SRP54: variants seen among roughly 807,000 people sequenced by gnomAD.
SRP54 encodes the protein signal recognition particle subunit SRP54.
A neutral mutation model predicts 64.8 loss-of-function variants in SRP54; 10 were observed. The observed-to-expected ratio is 0.15, with a 90% CI of 0.10 to 0.26. The LOEUF (loss-of-function observed/expected upper bound fraction) is 0.26, where lower values mean the gene tolerates loss of function less well. Among genes scored for constraint, SRP54 ranks in the 10% least tolerant of loss-of-function variants. SRP54 has a pLI of 1.00. For synonymous variants in SRP54, 193 were observed against 185.6 expected, an observed-to-expected ratio of 1.04 and a Z score of -0.32; for missense variants, 325 against 613.7, an observed-to-expected ratio of 0.53 and a Z score of 4.97.
At chr14:35,025,397 T>C (rs570708249) in intron 14 of SRP54, among the ~76,000 whole-genome samples, 1 of 152,310 alleles carries the variant, frequency 6.6e-6, no homozygotes, top group South Asian at 2.1e-4. Flanking sequence ...GACAAAAAAA[T>C]TAGACAAACA....
At chr14:35,026,835 C>T (rs964317933) in intron 14 of SRP54, among the ~76,000 whole-genome samples, 21 of 151,880 alleles carry the variant, frequency 1.4e-4, no homozygotes, top group African/African-American at 4.1e-4. Flanking sequence ...CCCAGCTACT[C>T]GGGAGGCTGA....
At chr14:35,004,248 TAAAATA>T (rs1490168631) in intron 4 of SRP54, among the ~76,000 whole-genome samples, 2 of 152,134 alleles carry the variant, frequency 1.3e-5, no homozygotes, top group African/African-American at 4.8e-5. Flanking sequence ...AAACTCCATC[TAAAATA>T]AAAATAAAAA....
chr14:34,991,272 G>A (rs2043973368), intron 1 of SRP54, among the ~76,000 whole-genome samples: 1 of 151,720 alleles, frequency 6.6e-6, no homozygotes, highest in Non-Finnish European at 1.5e-5. Flanking sequence ...TGGGATTACA[G>A]GCATCTGCCA....
At chr14:35,029,022 TTC>T (rs1263062903) in intron 15 of SRP54, 37 bp from the exon 16 acceptor site, 21 of 1,495,418 alleles carry the variant, frequency 1.4e-5, no homozygotes, top group South Asian at 3.4e-5. Context: ...TGCTTAATAA[TTC>T]TCTGTTTTTA....
rs1397976281 is a variant in SRP54 at position 35,029,309 on chromosome 14, TTTCC to T, written c.*165_*168del. 9.8e-6 allele frequency: 5 copies of T among 510,552 alleles called. No individual in the cohort carries two copies. The highest frequency in any genetic ancestry group is 1.7e-5 in the Non-Finnish European group (5 of 291,350). 31.6% of individuals were successfully genotyped at this position (510,552 alleles called of 1,614,324 possible). A position where few individuals can be genotyped will look rare whatever the true frequency, so the allele number is the denominator to read the frequency against. On this transcript the variant is annotated 3_prime_UTR_variant, in exon 16 of 16. Transcript: ENST00000216774. The stretch of plus-strand genomic sequence containing the variant: ...CGCCCGCTTTTCCCCTCCTTTTCTT[TTTCC>T]TTCCTTCTTTCCTCCCTTTAATATA...
In SRP54 at chr14:35,000,785, G is replaced by A. The variant is rs8017191; in HGVS notation, c.171-151G>A. 0.21 allele frequency: 83,099 copies of A among 397,910 alleles called. 9,496 individuals carry two copies. Among genetic ancestry groups the A allele is most frequent in the East Asian group, 0.39 (10,368 of 26,590 alleles). The allele number at this position is 397,910 out of a possible 1,614,324, so 24.6% of individuals were successfully genotyped here. A position where few individuals can be genotyped will look rare whatever the true frequency, so the allele number is the denominator to read the frequency against. On this transcript the variant is annotated intron_variant, in intron 3 of 15. Transcript: ENST00000216774. Reference sequence around the variant, plus strand: ...AAAACTCTTTATGATATAGACTTACGAGTCTGTAGTAATTACATGCATGTT... The same window carrying A: ...AAAACTCTTTATGATATAGACTTACAAGTCTGTAGTAATTACATGCATGTT...
chr14:34,991,528 G>A (rs2043979724), intron 1 of SRP54, among the ~76,000 whole-genome samples: 1 of 151,812 alleles, frequency 6.6e-6, no homozygotes, highest in African/African-American at 2.4e-5. Flanking sequence ...AAAGGGAAGA[G>A]GGTTGCAGTT....
intron 1 of SRP54, among the ~76,000 whole-genome samples, chr14:34,988,582 T>TATATATATATATATATATATATATAAA (rs1555352771): frequency 2.9e-5 from 1 of 35,076 alleles, no homozygotes; most frequent in Non-Finnish European, 7.2e-5. Context: ...AAAAAAAATA[T>TATATATATATATATATATATATATAAA]ATATATATAT....
intron 4 of SRP54, among the ~76,000 whole-genome samples, chr14:35,004,760 A>C (rs2044230866): frequency 6.6e-6 from 1 of 152,224 alleles, no homozygotes; most frequent in Non-Finnish European, 1.5e-5. Context: ...GAGCAGCATC[A>C]GTGTACTGAA....
intron 11 of SRP54, among the ~76,000 whole-genome samples, chr14:35,015,105 C>G (rs1045998247): frequency 1.3e-5 from 2 of 152,038 alleles, no homozygotes; most frequent in Non-Finnish European, 2.9e-5. Flanking sequence ...AAGACAGAGT[C>G]TCACTCTGTT....
chr14:35,007,239 G>A (rs769334984), intron 4 of SRP54, 44 bp from the exon 5 acceptor site: 1 of 1,354,444 alleles, frequency 7.4e-7, no homozygotes, highest in East Asian at 2.4e-5. Context: ...GAATTTATAT[G>A]TATGTTAACC....
At chr14:35,001,784 G>A (rs1388842429) in intron 4 of SRP54, among the ~76,000 whole-genome samples, 1 of 152,114 alleles carries the variant, frequency 6.6e-6, no homozygotes, top group Non-Finnish European at 1.5e-5. Context: ...TTTTCAAATA[G>A]TAAATATAGC....
In SRP54 at chr14:35,028,149, C is replaced by G. The variant is rs752475596; in HGVS notation, c.1389C>G (p.Ala463=). Residue 463 remains alanine (A), a synonymous_variant, in exon 15 of 16, where the codon GCC becomes GCG. Transcript: ENST00000216774. ...SQMAKLNQQM[A]KMMDPRVLHH... is the part of the protein sequence containing the mutation. ...TGGCAAAATTGAACCAACAAATGGC[C>G]AAAATGATGGATCCTAGGGTTCTTC... is the stretch of plus-strand genomic sequence containing the variant. 1 of 1,613,020 alleles carries G rather than the reference C, an allele frequency of 6.2e-7. No homozygotes were observed.
rs59058538 is a variant in SRP54 at position 34,994,932 on chromosome 14, CTTTTTT to C, written c.-33-1723_-33-1718del. On this transcript the variant is annotated intron_variant, in intron 1 of 15. Transcript: ENST00000216774. ...AGGCACATGCCGCCATGCCTGGCTACTTTTTTTTTTTTTTTTTTTTTTTTTTTAAGA... is the reference window on the plus strand; with the variant it reads ...AGGCACATGCCGCCATGCCTGGCTACTTTTTTTTTTTTTTTTTTTTTAAGA... 1.8e-4 allele frequency among the ~76,000 whole-genome samples: 15 copies of C among 84,478 alleles called. 1 individual carries two copies. The highest frequency in any genetic ancestry group is 3.8e-4 in the African/African-American group (8 of 20,864). The allele number at this position is 84,478 out of a possible 152,430, so 55.4% of individuals were successfully genotyped here. A position where few individuals can be genotyped will look rare whatever the true frequency, so the allele number is the denominator to read the frequency against.
chr14:35,010,370 C>T (rs562072975), intron 7 of SRP54, among the ~76,000 whole-genome samples: 68 of 152,076 alleles, frequency 4.5e-4, no homozygotes, highest in Middle Eastern at 6.8e-3. Flanking sequence ...TGCTTGAACC[C>T]GGGAGGCAGA....
chr14:35,001,107 ATG>A, intron 4 of SRP54, 87 bp downstream of exon 4: 1 of 461,814 alleles, frequency 2.2e-6, no homozygotes, highest in Non-Finnish European at 3.6e-6. Flanking sequence ...ATTTTTAAAT[ATG>A]TTTTTTATGG....
chr14:35,016,375 G>A lies in SRP54; in HGVS notation c.973+1545G>A, dbSNP rs552308021. 2.6e-5 allele frequency among the ~76,000 whole-genome samples: 4 copies of A among 152,266 alleles called. No homozygotes were observed. In the East Asian group the frequency reaches 7.7e-4, roughly 29 times the overall value. On this transcript the variant is annotated intron_variant, in intron 11 of 15. Transcript: ENST00000216774. ...CTCACATCTTCCATGTTGTGTTTTA[G>A]CATTGTTGTTCTTAGTATTCTGTGT...
intron 8 of SRP54, among the ~76,000 whole-genome samples, chr14:35,012,272 T>C (rs1391937463): frequency 6.6e-6 from 1 of 152,148 alleles, no homozygotes; most frequent in Non-Finnish European, 1.5e-5. Context: ...TTGAATTTCC[T>C]TTTTAAAAAT....
chr14:35,014,275 CTTTTTT>C (rs1269464538), intron 10 of SRP54, among the ~76,000 whole-genome samples: 2,528 of 102,190 alleles, frequency 0.025, 113 homozygotes, highest in African/African-American at 0.076. Context: ...TGCCACTTAA[CTTTTTT>C]TTTTTTTTTT....
Sources: gnomAD v4.1 joint callset for allele counts (sites outside exome capture counted in the v4.1 genomes callset) on GRCh38, gnomAD v4.1.1 for gene constraint, MANE v1.5 for transcripts, NCBI Gene and HGNC (gene_info 2026-07-23, HGNC 2026-07-21) for gene names.